The following OXSR1 variants were observed in gnomAD, a reference collection of about 807,000 sequenced individuals.
OXSR1 encodes the protein oxidative stress responsive kinase 1.
Under a neutral mutation model 79.8 loss-of-function variants are expected in OXSR1, and 24 were observed. The ratio of observed to expected loss-of-function variants is 0.30; its 90% CI spans 0.22 to 0.42. The LOEUF is 0.42. OXSR1 is among the 10% of genes least tolerant of loss of function. The pLI, the probability that OXSR1 is intolerant of heterozygous loss-of-function variation, is 1.00. For synonymous variants in OXSR1, 226 were observed against 209.2 expected (o/e 1.08, Z -0.69); for missense variants, 430 against 618.4 (o/e 0.70, Z 3.23).
chr3:38,213,554 G>A (rs1702427697), intron 4 of OXSR1, among the ~76,000 whole-genome samples: 1 of 152,204 alleles, frequency 6.6e-6, no homozygotes, highest in African/African-American at 2.4e-5. Flanking sequence ...TGAATAAACT[G>A]TGGACTTTAT....
At chr3:38,231,116 G>A (rs1702797534) in intron 10 of OXSR1, among the ~76,000 whole-genome samples, 5 of 152,198 alleles carry the variant, frequency 3.3e-5, no homozygotes, top group Non-Finnish European at 1.5e-5. Context: ...GAAGCATTAT[G>A]TCTAGCAGTG....
chr3:38,219,745 A>T lies in OXSR1; in HGVS notation c.491-1833A>T, dbSNP rs140490359. Among the ~76,000 whole-genome samples the T allele has an allele frequency of 6.0e-3, 913 of 151,966 alleles. 4 individuals are homozygous for T. Among genetic ancestry groups the T allele is most frequent in the Non-Finnish European group, 0.011 (732 of 67,984 alleles). On this transcript the variant is annotated intron_variant, in intron 5 of 17. Transcript: ENST00000311806. ...AAATGGAACATTTTAAAGTTTTTAG[A>T]TATTTCCCGGTTTAGGAGTATTGAA...
At chr3:38,211,038 C>T (rs933057166) in intron 4 of OXSR1, among the ~76,000 whole-genome samples, 2 of 152,164 alleles carry the variant, frequency 1.3e-5, no homozygotes, top group African/African-American at 4.8e-5. Flanking sequence ...GCCAAATAAA[C>T]TTTCATGGGA....
At chr3:38,174,477 G>C (rs983334197) in intron 1 of OXSR1, among the ~76,000 whole-genome samples, 2 of 152,156 alleles carry the variant, frequency 1.3e-5, no homozygotes, top group Non-Finnish European at 2.9e-5. Context: ...AGCTACTCGG[G>C]AGGTTGAGGC....
chr3:38,228,191 A>C (rs77721196), intron 8 of OXSR1, among the ~76,000 whole-genome samples: 1 of 152,274 alleles, frequency 6.6e-6, no homozygotes, highest in African/African-American at 2.4e-5. Context: ...ATGAGCATGA[A>C]ATTATTTTGC....
At chr3:38,203,945 G>C (rs1234731568) in intron 4 of OXSR1, among the ~76,000 whole-genome samples, 1 of 152,182 alleles carries the variant, frequency 6.6e-6, no homozygotes, top group East Asian at 1.9e-4. Context: ...CCCACCCTGG[G>C]TGGGTGCAGA....
chr3:38,178,772 C>T (rs1440830760), intron 1 of OXSR1, among the ~76,000 whole-genome samples: 1 of 151,494 alleles, frequency 6.6e-6, no homozygotes, highest in East Asian at 1.9e-4. Context: ...GCCACCATAC[C>T]CGGCCTCATG....
chr3:38,176,527 T>TA lies in OXSR1; in HGVS notation c.71-6475dup, dbSNP rs1401833137. ...AATCTTCTATGTTAGAACCTTAAAA[T>TA]ACTTTTCAATTGCTGAAGATTATTT... On this transcript the variant is annotated intron_variant, in intron 1 of 17. Transcript: ENST00000311806. Among the ~76,000 whole-genome samples, 3 of 152,338 alleles carry TA rather than the reference T, an allele frequency of 2.0e-5. No homozygotes were observed. In the East Asian group the frequency reaches 5.8e-4, roughly 29 times the overall value.
At chr3:38,237,820 G>A (rs1237388569) in intron 11 of OXSR1, among the ~76,000 whole-genome samples, 2 of 152,136 alleles carry the variant, frequency 1.3e-5, no homozygotes, top group Admixed American at 6.6e-5. Flanking sequence ...ACAATTGTGA[G>A]TTTAAGGTTT....
rs1355844917 is a variant in OXSR1, at chr3:38,182,983, T to A, written c.71-20T>A. 1.5e-6 allele frequency: 2 copies of A among 1,346,442 alleles called. No individual in the cohort carries two copies. Among genetic ancestry groups the A allele is most frequent in the Non-Finnish European group, 2.1e-6 (2 of 943,922 alleles). 83.4% of individuals were successfully genotyped at this position (1,346,442 alleles called of 1,614,324 possible). A position where few individuals can be genotyped will look rare whatever the true frequency, so the allele number is the denominator to read the frequency against. On this transcript the variant is annotated intron_variant, in intron 1 of 17. Coordinates refer to ENST00000311806, the MANE Select transcript of OXSR1 (RefSeq NM_005109.3). Reference sequence around the variant, plus strand: ...TATATATCCATCTACTTATTTACTCTTTTATGTATTTGTTTTTAGGGAGTG... The same window carrying A: ...TATATATCCATCTACTTATTTACTCATTTATGTATTTGTTTTTAGGGAGTG...
chr3:38,209,657 C>T (rs1368988384), intron 4 of OXSR1, among the ~76,000 whole-genome samples: 5 of 139,268 alleles, frequency 3.6e-5, no homozygotes, highest in African/African-American at 1.4e-4. Context: ...TTTTTTGAGA[C>T]GGAGTCTCGC....
chr3:38,196,706 T>C (rs1350143721), intron 3 of OXSR1, among the ~76,000 whole-genome samples: 5 of 152,224 alleles, frequency 3.3e-5, no homozygotes, highest in African/African-American at 4.8e-5. Flanking sequence ...ACTTAGTCAC[T>C]TTTTATGTGC....
intron 12 of OXSR1, among the ~76,000 whole-genome samples, chr3:38,245,212 A>AT (rs1206300440): frequency 4.6e-5 from 7 of 151,830 alleles, no homozygotes; most frequent in Non-Finnish European, 7.4e-5. Flanking sequence ...TACTCTTTGA[A>AT]TTTTTTCTCT....
chr3:38,204,611 GGT>G (rs1320087871), intron 4 of OXSR1, among the ~76,000 whole-genome samples: 7 of 151,952 alleles, frequency 4.6e-5, no homozygotes, highest in African/African-American at 1.7e-4. Context: ...TCTGGCCCAG[GGT>G]GTGTCTAGAA....
In OXSR1 at chr3:38,221,312, G is replaced by A. The variant is rs141307036; in HGVS notation, c.491-266G>A. Among the ~76,000 whole-genome samples, 412 of 152,156 alleles carry A rather than the reference G, an allele frequency of 2.7e-3. 2 individuals are homozygous for A. Among genetic ancestry groups the A allele is most frequent in the Admixed American group, 4.1e-3 (63 of 15,268 alleles). On this transcript the variant is annotated intron_variant, in intron 5 of 17. Transcript: ENST00000311806. Reference sequence around the variant, plus strand: ...GTTTTTTTTGTTTTGTAAAGATGAGGTCTCCCTATGTTGCTTAGGCTGTTC... The same window carrying A: ...GTTTTTTTTGTTTTGTAAAGATGAGATCTCCCTATGTTGCTTAGGCTGTTC...
At chr3:38,248,545 A>G (rs1290824688) in intron 14 of OXSR1, among the ~76,000 whole-genome samples, 1 of 152,154 alleles carries the variant, frequency 6.6e-6, no homozygotes, top group African/African-American at 2.4e-5. Context: ...CTGAATTACC[A>G]TTAACTCATT....
At chr3:38,219,672 T>C (rs764245558) in intron 5 of OXSR1, among the ~76,000 whole-genome samples, 1 of 152,206 alleles carries the variant, frequency 6.6e-6, no homozygotes, top group African/African-American at 2.4e-5. Flanking sequence ...AATGTACTTT[T>C]TCCCCTTCAT....
intron 12 of OXSR1, among the ~76,000 whole-genome samples, chr3:38,244,667 G>GTGTGTGTGTGCA (rs71635865): frequency 3.5e-5 from 2 of 57,296 alleles, no homozygotes; most frequent in Admixed American, 1.8e-4. Flanking sequence ...GTGTGTGTGT[G>GTGTGTGTGTGCA]CGTGCGCATG....
chr3:38,178,527 C>T (rs901317020), intron 1 of OXSR1, among the ~76,000 whole-genome samples: 1 of 150,220 alleles, frequency 6.7e-6, no homozygotes, highest in Non-Finnish European at 1.5e-5. Context: ...CAACCTCTGC[C>T]TCCTGGGTTC....
Sources: allele counts gnomAD v4.1 joint callset (sites outside exome capture counted in the v4.1 genomes callset), GRCh38; gene constraint gnomAD v4.1.1; transcripts MANE v1.5; gene names NCBI Gene and HGNC (gene_info 2026-07-23, HGNC 2026-07-21).